Variants in SLC4A4 observed in about 807,000 individuals in gnomAD.
The protein encoded by SLC4A4 is solute carrier family 4 member 4, also known as electrogenic sodium bicarbonate cotransporter 1.
In SLC4A4, 27 loss-of-function variants were observed where a neutral mutation model predicts 111.5. The observed-to-expected ratio is 0.24, with a 90% CI of 0.18 to 0.33. The LOEUF is 0.33. SLC4A4 is among the 10% of genes least tolerant of loss of function. The pLI, the probability that SLC4A4 is intolerant of heterozygous loss-of-function variation, is 1.00. For missense variants in SLC4A4, 909 were observed against 1,315.5 expected, an observed-to-expected ratio of 0.69 and a Z score of 4.78; for synonymous variants, 443 against 463.4, an observed-to-expected ratio of 0.96 and a Z score of 0.57.
At chr4:71,227,976 G>A (rs958893208) in intron 1 of SLC4A4, among the ~76,000 whole-genome samples, 3 of 152,156 alleles carry the variant, frequency 2.0e-5, no homozygotes, top group Admixed American at 6.5e-5. Context: ...AGCAGCACAC[G>A]GTCTTTGTGG....
intron 3 of SLC4A4, among the ~76,000 whole-genome samples, chr4:71,257,915 C>A (rs1188455521): frequency 6.6e-6 from 1 of 152,152 alleles, no homozygotes; most frequent in African/African-American, 2.4e-5. Context: ...TAAAATAGAT[C>A]TGAATTTTTC....
At chr4:71,491,044 G>A (rs1320504220) in intron 15 of SLC4A4, among the ~76,000 whole-genome samples, 1 of 151,540 alleles carries the variant, frequency 6.6e-6, no homozygotes, top group African/African-American at 2.4e-5. Context: ...TTTTTATAGG[G>A]TATCTAGCTT....
chr4:71,252,454 G>A (rs1377038572), intron 2 of SLC4A4, among the ~76,000 whole-genome samples: 1 of 152,100 alleles, frequency 6.6e-6, no homozygotes, highest in Non-Finnish European at 1.5e-5. Context: ...ATGGAACTAT[G>A]TTCCTTGTCC....
intron 2 of SLC4A4, among the ~76,000 whole-genome samples, chr4:71,139,179 T>TTG (rs57359640): frequency 0.057 from 8,259 of 144,414 alleles, 329 homozygotes; most frequent in African/African-American, 0.11. Context: ...TCCCTTTTCT[T>TTG]TGTGTGTGTG....
chr4:71,300,814 T>TGAGGTGCA, intron 3 of SLC4A4: 1 of 420,492 alleles, frequency 2.4e-6, no homozygotes, highest in Non-Finnish European at 4.8e-6. Context: ...TGCAAACCCC[T>TGAGGTGCA]GAGGTGCAGA....
chr4:71,102,146 C>T (rs1310277672), intron 2 of SLC4A4, among the ~76,000 whole-genome samples: 4 of 151,616 alleles, frequency 2.6e-5, no homozygotes, highest in African/African-American at 4.9e-5. Flanking sequence ...GGAGCAGATG[C>T]GATCAACTGG....
In SLC4A4 at chr4:71,332,763, G is replaced by A. The variant is rs1368868919; in HGVS notation, c.254-6607G>A. On this transcript the variant is annotated intron_variant, in intron 3 of 25. Coordinates refer to ENST00000264485, the MANE Select transcript of SLC4A4 (RefSeq NM_001098484.3). ...GTATTTTCAAATAGCCTGTCTGCGA[G>A]CTCACTAATTCTTCTGCTTAAGTCT... Among the ~76,000 whole-genome samples the A allele has an allele frequency of 2.0e-5, 3 of 152,328 alleles. No homozygotes were observed. In the East Asian group the frequency reaches 5.8e-4, roughly 29 times the overall value.
chr4:71,180,336 C>A (rs555252048), intron 2 of SLC4A4, among the ~76,000 whole-genome samples: 5 of 152,202 alleles, frequency 3.3e-5, no homozygotes, highest in African/African-American at 9.6e-5. Flanking sequence ...GCAACAAAAG[C>A]CAAAATTGAC....
chr4:71,504,020 T>C (rs1731170813), intron 16 of SLC4A4, among the ~76,000 whole-genome samples: 1 of 152,200 alleles, frequency 6.6e-6, no homozygotes, highest in Admixed American at 6.5e-5. Flanking sequence ...GAGAAATCTG[T>C]TAATTTCCTA....
intron 4 of SLC4A4, among the ~76,000 whole-genome samples, chr4:71,344,425 GT>G (rs566726867): frequency 1.0e-3 from 155 of 152,162 alleles, no homozygotes; most frequent in Middle Eastern, 3.4e-3. Flanking sequence ...AGATATGATA[GT>G]TTTTTCCCCC....
chr4:71,199,662 T>G (rs1166077299), intron 1 of SLC4A4, among the ~76,000 whole-genome samples: 2 of 152,164 alleles, frequency 1.3e-5, no homozygotes, highest in South Asian at 2.1e-4. Flanking sequence ...TTTATTTTTA[T>G]TTTTTGAGAC....
At chr4:71,122,753 C>G (rs949534868) in intron 2 of SLC4A4, among the ~76,000 whole-genome samples, 1 of 152,200 alleles carries the variant, frequency 6.6e-6, no homozygotes, top group Admixed American at 6.5e-5. Flanking sequence ...ACCATCCCCC[C>G]TCGGCATCTC....
chr4:71,278,587 T>G (rs1473776947), intron 3 of SLC4A4, among the ~76,000 whole-genome samples: 3 of 152,298 alleles, frequency 2.0e-5, no homozygotes, highest in African/African-American at 7.2e-5. Context: ...TTCCCTTTGC[T>G]TCATATCAAC....
intron 8 of SLC4A4, among the ~76,000 whole-genome samples, chr4:71,442,629 GAT>G (rs887186884): frequency 2.0e-5 from 3 of 152,152 alleles, no homozygotes; most frequent in African/African-American, 7.2e-5. Flanking sequence ...TACATTTCAT[GAT>G]ATGTTTTAAT....
At chr4:71,128,172 G>A (rs1743607925) in intron 2 of SLC4A4, among the ~76,000 whole-genome samples, 1 of 152,230 alleles carries the variant, frequency 6.6e-6, no homozygotes, top group African/African-American at 2.4e-5. Flanking sequence ...GTTCCACCTG[G>A]CTGGGGAGGC....
intron 3 of SLC4A4, among the ~76,000 whole-genome samples, chr4:71,287,531 A>G (rs1436453244): frequency 6.6e-6 from 1 of 152,152 alleles, no homozygotes; most frequent in Non-Finnish European, 1.5e-5. Flanking sequence ...TTGACCTTTC[A>G]TGCTCATGCC....
At chr4:71,494,004 A>G (rs1730180038) in intron 15 of SLC4A4, among the ~76,000 whole-genome samples, 2 of 151,900 alleles carry the variant, frequency 1.3e-5, no homozygotes, top group South Asian at 4.1e-4. Context: ...CATTGTGGAT[A>G]CCCTAGATGT....
At chr4:71,296,720 G>A (rs1171818458) in intron 3 of SLC4A4, among the ~76,000 whole-genome samples, 3 of 152,096 alleles carry the variant, frequency 2.0e-5, no homozygotes, top group African/African-American at 7.2e-5. Flanking sequence ...TTTTTGAGTT[G>A]ATAATCTCAA....
At chr4:71,088,629 G>A (rs1412147060) in intron 1 of SLC4A4, among the ~76,000 whole-genome samples, 1 of 151,946 alleles carries the variant, frequency 6.6e-6, no homozygotes, top group Non-Finnish European at 1.5e-5. Context: ...GTATTTGCTT[G>A]TCTGTAAAGG....
Sources: gnomAD v4.1 joint callset for allele counts (sites outside exome capture counted in the v4.1 genomes callset) on GRCh38, gnomAD v4.1.1 for gene constraint, MANE v1.5 for transcripts, NCBI Gene and HGNC (gene_info 2026-07-23, HGNC 2026-07-21) for gene names.